Variants in C12orf42 observed in about 807,000 individuals in gnomAD.
The protein encoded by C12orf42 is chromosome 12 open reading frame 42, also known as uncharacterized protein C12orf42.
In C12orf42, 25 loss-of-function variants were observed where a neutral mutation model predicts 21.6. The observed-to-expected ratio is 1.16, with a 90% confidence interval of 0.84 to 1.62. The LOEUF is 1.62. C12orf42 is among the 40% of genes most tolerant of loss of function. C12orf42 has a pLI of 0.00. For synonymous variants in C12orf42, 174 were observed against 175.0 expected (o/e 0.99, Z 0.05); for missense variants, 483 against 459.3 (o/e 1.05, Z -0.47).
chr12:103,306,608 C>T (rs59185906), intron 4 of C12orf42, among the ~76,000 whole-genome samples: 2 of 152,084 alleles, frequency 1.3e-5, no homozygotes, highest in Non-Finnish European at 2.9e-5. Flanking sequence ...ATGTTTGTCA[C>T]TGAATCCTCA....
intron 3 of C12orf42, among the ~76,000 whole-genome samples, chr12:103,389,817 C>G (rs150668132): frequency 6.6e-6 from 1 of 152,120 alleles, no homozygotes; most frequent in Non-Finnish European, 1.5e-5. Context: ...GGGCAGCATG[C>G]GTTGTGTCAG....
At chr12:103,193,198 T>C in the C12orf42 span, among the ~76,000 whole-genome samples, 44 of 150,354 alleles carry the variant, frequency 2.9e-4, no homozygotes, top group African/African-American at 9.5e-4. Flanking sequence ...CGAACAAAAA[T>C]AAAAACAACA....
rs577520729 is a variant in C12orf42 at position 103,368,100 on chromosome 12, A to C, written c.259+787T>G. 11 of 1,275,236 alleles carry C rather than the reference A, an allele frequency of 8.6e-6. No individual in the cohort carries two copies. In the East Asian group the frequency reaches 5.0e-4, roughly 58 times the overall value. The allele number at this position is 1,275,236 out of a possible 1,614,324, so 79.0% of individuals were successfully genotyped here. On this transcript the variant is annotated intron_variant, in intron 4 of 5. Transcript: ENST00000548883. ...TAAATATATCCTTTCAGGTCAGTGA[A>C]ATGGTCCTAAAAATGGAGTTTATGG...
At chr12:103,271,323 T>C (rs1299350249) in intron 5 of C12orf42, among the ~76,000 whole-genome samples, 1 of 152,112 alleles carries the variant, frequency 6.6e-6, no homozygotes, top group Non-Finnish European at 1.5e-5. Flanking sequence ...GAAGATACAA[T>C]GTTTAGATGC....
chr12:103,090,832 T>C, the C12orf42 span, among the ~76,000 whole-genome samples: 1 of 152,184 alleles, frequency 6.6e-6, no homozygotes, highest in African/African-American at 2.4e-5. Context: ...AATCAATGTA[T>C]GATTTTAGAA....
chr12:103,473,670 G>A (rs564530431), intron 2 of C12orf42, among the ~76,000 whole-genome samples: 6 of 152,284 alleles, frequency 3.9e-5, no homozygotes, highest in East Asian at 1.9e-4. Context: ...GTCTAATAAA[G>A]AGCCACAAAA....
At chr12:103,407,879 T>C (rs537156755) in intron 2 of C12orf42, among the ~76,000 whole-genome samples, 4 of 152,274 alleles carry the variant, frequency 2.6e-5, no homozygotes, top group South Asian at 4.1e-4. Flanking sequence ...TTTCAAAGGT[T>C]GAGTTTTGAA....
At chr12:103,402,044 C>G (rs1261415790) in intron 2 of C12orf42, among the ~76,000 whole-genome samples, 1 of 152,184 alleles carries the variant, frequency 6.6e-6, no homozygotes, top group East Asian at 1.9e-4. Context: ...TGCCATGTGA[C>G]TTTGATGTAC....
the C12orf42 span, chr12:103,178,366 T>C: frequency 6.6e-6 from 1 of 152,182 alleles, no homozygotes; most frequent in Non-Finnish European, 1.5e-5. Flanking sequence ...GATTAGAAAA[T>C]AAGCTGCCTC....
At chr12:103,191,743 TAAAAA>T in the C12orf42 span, among the ~76,000 whole-genome samples, 2 of 122,080 alleles carry the variant, frequency 1.6e-5, no homozygotes, top group Admixed American at 8.4e-5. Flanking sequence ...ACTCTGTGTC[TAAAAA>T]AAAAAAAAAA....
At chr12:103,133,168 C>T in the C12orf42 span, among the ~76,000 whole-genome samples, 2 of 152,280 alleles carry the variant, frequency 1.3e-5, no homozygotes, top group East Asian at 3.9e-4. Context: ...GCTACTACCA[C>T]CACAGCGGGC....
chr12:103,400,867 C>A (rs2047929888), intron 3 of C12orf42, among the ~76,000 whole-genome samples: 2 of 152,030 alleles, frequency 1.3e-5, no homozygotes, highest in South Asian at 2.1e-4. Context: ...GGGCTGTGTT[C>A]CTTTTTAGAG....
intron 2 of C12orf42, among the ~76,000 whole-genome samples, chr12:103,436,347 C>G (rs531620096): frequency 1.3e-5 from 2 of 151,772 alleles, no homozygotes; most frequent in Admixed American, 1.3e-4. Flanking sequence ...CATCAACTAA[C>G]AAGCAAAATC....
At chr12:103,228,309 G>A in the C12orf42 span, among the ~76,000 whole-genome samples, 1,105 of 151,978 alleles carry the variant, frequency 7.3e-3, 7 homozygotes, top group Non-Finnish European at 0.013. Flanking sequence ...AGTGGGGGTC[G>A]CAAGGTGCTC....
intron 10 of C12orf42, among the ~76,000 whole-genome samples, chr12:103,260,793 C>A (rs1427343933): frequency 1.3e-5 from 2 of 152,088 alleles, no homozygotes; most frequent in Non-Finnish European, 2.9e-5. Context: ...TTCCAAGATG[C>A]CTGAAATGTG....
the C12orf42 span, among the ~76,000 whole-genome samples, chr12:103,135,512 T>G: frequency 4.0e-5 from 6 of 151,348 alleles, no homozygotes; most frequent in Non-Finnish European, 8.8e-5. Context: ...GTTACCATCA[T>G]AGATGTTACC....
At chr12:103,558,999 C>T in the C12orf42 span, 1 of 152,178 alleles carries the variant, frequency 6.6e-6, no homozygotes, top group Non-Finnish European at 1.5e-5. Context: ...AAACCCTGCA[C>T]ATTTTCAGGA....
At chr12:103,096,253 C>A in the C12orf42 span, among the ~76,000 whole-genome samples, 16 of 152,158 alleles carry the variant, frequency 1.1e-4, no homozygotes, top group Non-Finnish European at 1.6e-4. Context: ...CAGTGCCCAA[C>A]AAGCACACAT....
intron 3 of C12orf42, among the ~76,000 whole-genome samples, chr12:103,387,887 C>T (rs536698750): frequency 6.6e-5 from 10 of 152,176 alleles, no homozygotes; most frequent in African/African-American, 2.2e-4. Context: ...ACTGATATTC[C>T]CTTCCCTTTC....
Sources: allele counts gnomAD v4.1 joint callset (sites outside exome capture counted in the v4.1 genomes callset), GRCh38; gene constraint gnomAD v4.1.1; transcripts MANE v1.5; gene names NCBI Gene and HGNC (gene_info 2026-07-23, HGNC 2026-07-21).